Variants in THSD7B observed in about 807,000 individuals in gnomAD.
THSD7B encodes thrombospondin type-1 domain-containing protein 7B.
In THSD7B, 138 loss-of-function variants were observed where a neutral mutation model predicts 213.6. The observed-to-expected ratio is 0.65, with a 90% confidence interval of 0.56 to 0.74. The LOEUF (loss-of-function observed/expected upper bound fraction) is 0.74, where lower values mean the gene tolerates loss of function less well. Among genes scored for constraint, THSD7B ranks in the 30% least tolerant of loss-of-function variants. The pLI is 0.00. For synonymous variants in THSD7B, 742 were observed against 687.0 expected (o/e 1.08, Z -1.25); for missense variants, 1,931 against 1,991.5 (o/e 0.97, Z 0.58).
chr2:137,187,343 G>A (rs1246912447), intron 7 of THSD7B, among the ~76,000 whole-genome samples: 1 of 143,258 alleles, frequency 7.0e-6, no homozygotes, highest in Non-Finnish European at 1.6e-5. Flanking sequence ...CAGGAGATCT[G>A]TGAGCTCTAC....
intron 15 of THSD7B, among the ~76,000 whole-genome samples, chr2:137,522,778 G>A (rs1015986429): frequency 8.5e-5 from 13 of 152,148 alleles, no homozygotes; most frequent in Admixed American, 7.2e-4. Context: ...GCAGAACAGG[G>A]CACTTAGGAA....
chr2:137,357,641 T>C (rs1685162446), intron 12 of THSD7B, among the ~76,000 whole-genome samples: 1 of 152,186 alleles, frequency 6.6e-6, no homozygotes, highest in African/African-American at 2.4e-5. Flanking sequence ...AATTGGTGTT[T>C]GAAAAATAAA....
rs150061844 is a variant in THSD7B, at chr2:136,780,979, G to A, written c.-36+15292G>A. Reference sequence around the variant, plus strand: ...TGCCTCCAATGCCTGTGAAGAATGTGAAGAAGCATATAAAGAGTATGTGTA... The same window carrying A: ...TGCCTCCAATGCCTGTGAAGAATGTAAAGAAGCATATAAAGAGTATGTGTA... On this transcript the variant is annotated intron_variant, in intron 1 of 27. Coordinates refer to ENST00000409968, the MANE Select transcript of THSD7B (RefSeq NM_001316349.2). Among the ~76,000 whole-genome samples the A allele has an allele frequency of 6.6e-5, 10 of 152,236 alleles. No individual in the cohort carries two copies. In the East Asian group the frequency reaches 1.9e-3, roughly 29 times the overall value.
chr2:137,037,909 G>A (rs917142712), intron 2 of THSD7B, among the ~76,000 whole-genome samples: 11 of 152,090 alleles, frequency 7.2e-5, no homozygotes, highest in Non-Finnish European at 1.2e-4. Context: ...ATCCATGTTG[G>A]CCATGTCACC....
At chr2:136,957,480 A>G (rs1685146865) in intron 2 of THSD7B, among the ~76,000 whole-genome samples, 1 of 150,486 alleles carries the variant, frequency 6.6e-6, no homozygotes. Flanking sequence ...AATTATTATC[A>G]TAATAATTTT....
rs1179079214 is a variant in THSD7B, at chr2:137,412,604, A to G, written c.2959+732A>G. ...GAGAGCAAAACTCTGTCTCAAAAAA[A>G]AAAAAACAAAAAAAAACAAAAAACA... On this transcript the variant is annotated intron_variant, in intron 14 of 27. Transcript: ENST00000409968. 1.2e-4 allele frequency among the ~76,000 whole-genome samples: 17 copies of G among 146,776 alleles called. No individual in the cohort carries two copies. In the East Asian group the frequency reaches 3.3e-3, roughly 29 times the overall value.
At chr2:137,300,517 T>A (rs1033743283) in intron 12 of THSD7B, among the ~76,000 whole-genome samples, 2 of 152,152 alleles carry the variant, frequency 1.3e-5, no homozygotes, top group African/African-American at 2.4e-5. Flanking sequence ...TCTATGCAAC[T>A]GTTGTGCATT....
chr2:137,252,765 G>A (rs762099907), intron 10 of THSD7B, among the ~76,000 whole-genome samples: 2 of 152,190 alleles, frequency 1.3e-5, no homozygotes, highest in African/African-American at 4.8e-5. Context: ...TGTTCCACGG[G>A]GAGGTTGGCC....
chr2:137,222,562 C>T (rs1475267373), intron 7 of THSD7B, among the ~76,000 whole-genome samples: 2 of 152,164 alleles, frequency 1.3e-5, no homozygotes, highest in African/African-American at 4.8e-5. Context: ...ATGTTGCAGT[C>T]TGCTTTTTTC....
At chr2:137,075,882 C>T (rs570372707) in intron 3 of THSD7B, among the ~76,000 whole-genome samples, 11 of 152,302 alleles carry the variant, frequency 7.2e-5, no homozygotes, top group Admixed American at 3.9e-4. Flanking sequence ...GTATCAGCAG[C>T]GGTGGCTGCT....
At chr2:137,106,798 C>A (rs10204258) in intron 4 of THSD7B, among the ~76,000 whole-genome samples, 1 of 152,196 alleles carries the variant, frequency 6.6e-6, no homozygotes, top group African/African-American at 2.4e-5. Flanking sequence ...AAAAGCTCAT[C>A]GTCACTGGTC....
chr2:136,928,877 C>A (rs1684585826), intron 2 of THSD7B, among the ~76,000 whole-genome samples: 2 of 151,914 alleles, frequency 1.3e-5, no homozygotes, highest in Admixed American at 1.3e-4. Flanking sequence ...AAATCACTTC[C>A]CTTTTTTCCC....
At chr2:136,885,275 G>A (rs1159529357) in intron 2 of THSD7B, among the ~76,000 whole-genome samples, 1 of 150,188 alleles carries the variant, frequency 6.7e-6, no homozygotes. Context: ...CGGTAGGTCC[G>A]ATGTTAGTCA....
At chr2:137,484,341 G>C (rs1350548203) in intron 15 of THSD7B, among the ~76,000 whole-genome samples, 15 of 145,830 alleles carry the variant, frequency 1.0e-4, no homozygotes, top group African/African-American at 3.6e-4. Context: ...CCCTACAAAG[G>C]ACATGAACTC....
intron 15 of THSD7B, among the ~76,000 whole-genome samples, chr2:137,519,497 A>G (rs758623448): frequency 2.0e-5 from 3 of 152,202 alleles, no homozygotes; most frequent in Non-Finnish European, 4.4e-5. Flanking sequence ...TTGGGCTCCC[A>G]CTGCTGCTAT....
At chr2:136,805,705 G>GA (rs1189484155) in intron 1 of THSD7B, among the ~76,000 whole-genome samples, 4 of 152,204 alleles carry the variant, frequency 2.6e-5, no homozygotes, top group African/African-American at 7.2e-5. Flanking sequence ...GCTAGTAGGG[G>GA]AGGGGCTGGG....
intron 12 of THSD7B, among the ~76,000 whole-genome samples, chr2:137,312,857 C>T (rs1291234963): frequency 6.6e-6 from 1 of 151,694 alleles, no homozygotes; most frequent in African/African-American, 2.4e-5. Context: ...TTTGATTGCA[C>T]TGTGGTCTGA....
At chr2:137,188,317 G>C (rs996057321) in intron 7 of THSD7B, among the ~76,000 whole-genome samples, 6 of 152,110 alleles carry the variant, frequency 3.9e-5, no homozygotes, top group African/African-American at 1.4e-4. Flanking sequence ...TCATGTTTCA[G>C]ACCAGTGCCA....
intron 1 of THSD7B, among the ~76,000 whole-genome samples, chr2:136,872,390 T>TGGG (rs201478828): frequency 2.6e-5 from 1 of 38,638 alleles, no homozygotes; most frequent in Non-Finnish European, 4.7e-5. Flanking sequence ...TTCGGGGGGG[T>TGGG]GGGGGGGACT....
Sources: gnomAD v4.1 joint callset for allele counts (sites outside exome capture counted in the v4.1 genomes callset) on GRCh38, gnomAD v4.1.1 for gene constraint, MANE v1.5 for transcripts, NCBI Gene and HGNC (gene_info 2026-07-23, HGNC 2026-07-21) for gene names.